FGD6: variants seen among roughly 807,000 people sequenced by gnomAD.
The protein encoded by FGD6 is FYVE, RhoGEF and PH domain containing 6.
A neutral mutation model predicts 149.4 loss-of-function variants in FGD6; 90 were observed. The observed-to-expected ratio is 0.60, with a 90% CI of 0.51 to 0.72. The LOEUF (loss-of-function observed/expected upper bound fraction) is 0.72, where lower values mean the gene tolerates loss of function less well. FGD6 is among the 30% of genes least tolerant of loss of function. The pLI is 0.00. For synonymous variants in FGD6, 527 were observed against 584.0 expected (o/e 0.90, Z 1.41); for missense variants, 1,437 against 1,684.8 (o/e 0.85, Z 2.57).
chr12:95,125,772 C>A, intron 8 of FGD6: 3 of 711,632 alleles, frequency 4.2e-6, no homozygotes, highest in South Asian at 3.0e-5. Context: ...GGTGTTCAGG[C>A]ACTTCATGGA....
At chr12:95,104,767 G>A (rs1878553996) in intron 14 of FGD6, among the ~76,000 whole-genome samples, 1 of 151,942 alleles carries the variant, frequency 6.6e-6, no homozygotes, top group Non-Finnish European at 1.5e-5. Flanking sequence ...TTTAAAGTTA[G>A]CCGGGTATGG....
chr12:95,093,262 C>T (rs1229974325), intron 15 of FGD6, among the ~76,000 whole-genome samples: 2 of 151,560 alleles, frequency 1.3e-5, no homozygotes, highest in Non-Finnish European at 1.5e-5. Flanking sequence ...AAATATGGGC[C>T]ATTGGCTGGG....
intron 20 of FGD6, 100 bp from the exon 21 acceptor site, chr12:95,081,656 C>A: frequency 3.5e-6 from 2 of 565,912 alleles, no homozygotes; most frequent in Non-Finnish European, 6.0e-6. Context: ...ATTACCATAA[C>A]AACATAGGTA....
At chr12:95,097,241 TAAGTC>T (rs1049430488) in intron 14 of FGD6, among the ~76,000 whole-genome samples, 28 of 152,184 alleles carry the variant, frequency 1.8e-4, no homozygotes, top group Middle Eastern at 3.2e-3. Context: ...GAAAAACTGT[TAAGTC>T]AAGTATTATT....
chr12:95,120,282 C>T (rs1027044237), intron 8 of FGD6, among the ~76,000 whole-genome samples: 4 of 151,116 alleles, frequency 2.6e-5, no homozygotes, highest in Non-Finnish European at 5.9e-5. Flanking sequence ...ATGCCTTCTT[C>T]CATATTTCAG....
At chr12:95,114,821 T>G (rs1210255904) in intron 8 of FGD6, among the ~76,000 whole-genome samples, 3 of 152,118 alleles carry the variant, frequency 2.0e-5, no homozygotes, top group Admixed American at 2.0e-4. Flanking sequence ...TGCTACATGG[T>G]CCCTATCAAT....
chr12:95,216,279 C>G (rs11107939), intron 1 of FGD6, among the ~76,000 whole-genome samples: 4 of 152,166 alleles, frequency 2.6e-5, no homozygotes, highest in Admixed American at 2.6e-4. Context: ...AAAATTTAAT[C>G]TGATACTTAA....
intron 6 of FGD6, among the ~76,000 whole-genome samples, chr12:95,138,205 AAAAT>A (rs35510034): frequency 0.22 from 29,484 of 135,770 alleles, 3,609 homozygotes; most frequent in Admixed American, 0.3. Context: ...TTCTGTCTCA[AAAAT>A]AAATAAATAA....
intron 13 of FGD6, 67 bp from the exon 14 acceptor site, chr12:95,105,153 G>T: frequency 1.4e-6 from 2 of 1,391,090 alleles, no homozygotes; most frequent in Non-Finnish European, 1.0e-6. Context: ...AGCTGAAGTT[G>T]TCCAATGGCC....
rs763005296 is a variant in FGD6 at position 95,137,510 on chromosome 12, A to G, written c.2994+12T>C. The G allele has an allele frequency of 1.3e-6, 2 of 1,553,240 alleles. No homozygotes were observed. Among genetic ancestry groups the G allele is most frequent in the Non-Finnish European group, 8.7e-7 (1 of 1,150,034 alleles). On this transcript the variant is annotated intron_variant, in intron 7 of 20. Transcript: ENST00000343958. ...GAAAGAGAAGTGTTCAACATTAGATAGTAGCAAATACCTCAAATTCTCTAA... is the reference window on the plus strand; with the variant it reads ...GAAAGAGAAGTGTTCAACATTAGATGGTAGCAAATACCTCAAATTCTCTAA...
intron 2 of FGD6, among the ~76,000 whole-genome samples, chr12:95,191,199 T>C (rs1036347904): frequency 6.6e-6 from 1 of 152,236 alleles, no homozygotes; most frequent in Admixed American, 6.5e-5. Context: ...CTCCATGCTT[T>C]CTTTCTGCAG....
intron 8 of FGD6, among the ~76,000 whole-genome samples, chr12:95,132,084 T>A (rs1879537076): frequency 1.3e-5 from 2 of 152,172 alleles, no homozygotes; most frequent in Non-Finnish European, 2.9e-5. Context: ...AATCTAAGAT[T>A]AAGTAAGAGG....
chr12:95,124,487 A>G (rs959815659), intron 8 of FGD6, among the ~76,000 whole-genome samples: 37 of 152,238 alleles, frequency 2.4e-4, no homozygotes, highest in African/African-American at 8.9e-4. Flanking sequence ...CAACTGAAAC[A>G]GGTCCTGATG....
At chr12:95,101,729 T>C (rs1379665990) in intron 14 of FGD6, among the ~76,000 whole-genome samples, 2 of 133,794 alleles carry the variant, frequency 1.5e-5, no homozygotes, top group African/African-American at 5.8e-5. Context: ...TGTTGCCAGG[T>C]TGGAGTGCAG....
chr12:95,105,201 C>CT (rs2136240017), intron 13 of FGD6, 115 bp from the exon 14 acceptor site: 1 of 817,980 alleles, frequency 1.2e-6, no homozygotes, highest in East Asian at 2.5e-5. Flanking sequence ...TCCTATCCAG[C>CT]TTTCTCTACT....
At chr12:95,111,232 C>T (rs1878812303) in intron 9 of FGD6, among the ~76,000 whole-genome samples, 1 of 152,132 alleles carries the variant, frequency 6.6e-6, no homozygotes. Flanking sequence ...CCACCTGCCT[C>T]GGCCTCCCAA....
intron 1 of FGD6, among the ~76,000 whole-genome samples, chr12:95,216,669 CAAAAAAA>C (rs143881424): frequency 2.3e-5 from 2 of 88,758 alleles, no homozygotes; most frequent in Non-Finnish European, 4.2e-5. Flanking sequence ...TGCAGACAAG[CAAAAAAA>C]AAAAAAAAAA....
At chr12:95,120,323 T>A (rs1666224270) in intron 8 of FGD6, among the ~76,000 whole-genome samples, 2 of 147,752 alleles carry the variant, frequency 1.4e-5, no homozygotes, top group South Asian at 2.3e-4. Context: ...GAGAATAATT[T>A]ATTTATTTAT....
intron 8 of FGD6, among the ~76,000 whole-genome samples, chr12:95,128,760 G>A (rs1415309093): frequency 6.6e-6 from 1 of 152,222 alleles, no homozygotes; most frequent in Non-Finnish European, 1.5e-5. Flanking sequence ...TTGTCTGCCA[G>A]TGTATATGGG....
Sources: gnomAD v4.1 joint callset for allele counts (sites outside exome capture counted in the v4.1 genomes callset) on GRCh38, gnomAD v4.1.1 for gene constraint, MANE v1.5 for transcripts, NCBI Gene and HGNC (gene_info 2026-07-23, HGNC 2026-07-21) for gene names.